The following DPYD variants were observed in gnomAD, a reference collection of about 807,000 sequenced individuals.
The protein encoded by DPYD is dihydropyrimidine dehydrogenase [NADP(+)].
In DPYD, 109 loss-of-function variants were observed where a neutral mutation model predicts 116.2. The ratio of observed to expected loss-of-function variants is 0.94; its 90% CI spans 0.80 to 1.10. DPYD has a LOEUF of 1.10. Among genes scored for constraint, DPYD ranks in the 50% least tolerant of loss-of-function variants. DPYD has a pLI of 0.00. For missense variants in DPYD, 1,302 were observed against 1,254.5 expected (o/e 1.04, Z -0.57); for synonymous variants, 440 against 432.0 (o/e 1.02, Z -0.23).
rs567156406 is a variant in DPYD at position 97,385,280 on chromosome 1, C to CAAAAAAAAA, written c.1906-2828_1906-2820dup. 6.1e-5 allele frequency among the ~76,000 whole-genome samples: 3 copies of CAAAAAAAAA among 48,940 alleles called. 1 individual carries two copies. Among genetic ancestry groups the CAAAAAAAAA allele is most frequent in the African/African-American group, 3.8e-4 (3 of 7,872 alleles). The allele number at this position is 48,940 out of a possible 152,430, so 32.1% of individuals were successfully genotyped here. ...TACCTCTTGGTGTAGGCATTCCTTG[C>CAAAAAAAAA]AAAAAAAAAAAAAAAAAAAAAAAAA... On this transcript the variant is annotated intron_variant, in intron 14 of 22. Transcript: ENST00000370192.
chr1:97,281,745 A>G (rs1665336996), intron 18 of DPYD, among the ~76,000 whole-genome samples: 1 of 152,072 alleles, frequency 6.6e-6, no homozygotes, highest in African/African-American at 2.4e-5. Context: ...CACATAAGCT[A>G]AGGAACATCC....
chr1:97,181,717 T>G (rs1323338065), intron 20 of DPYD, among the ~76,000 whole-genome samples: 3 of 152,194 alleles, frequency 2.0e-5, no homozygotes, highest in African/African-American at 7.2e-5. Context: ...TGTTTCTATC[T>G]ACCCCAATAT....
At chr1:97,318,853 T>G (rs573195001) in intron 16 of DPYD, among the ~76,000 whole-genome samples, 60 of 149,676 alleles carry the variant, frequency 4.0e-4, no homozygotes, top group African/African-American at 1.1e-3. Flanking sequence ...TCAGCAAATG[T>G]AAAAGAACAG....
chr1:97,772,535 G>A (rs957503160), intron 3 of DPYD, among the ~76,000 whole-genome samples: 7 of 152,124 alleles, frequency 4.6e-5, no homozygotes, highest in Admixed American at 2.0e-4. Context: ...TCACAGGTTG[G>A]AAGTAAGCAT....
Position 97,202,808 on chromosome 1 carries a change from A to G in DPYD, c.2443-9560T>C, listed in dbSNP as rs543109360. 1.1e-3 allele frequency among the ~76,000 whole-genome samples: 171 copies of G among 152,334 alleles called. 1 individual carries two copies. The highest frequency in any genetic ancestry group is 4.0e-3 in the African/African-American group (168 of 41,578). On this transcript the variant is annotated intron_variant, in intron 19 of 22. Transcript: ENST00000370192. ...CAATAATGACTGCAACCAAGAAATA[A>G]TAATAAGAACCATACAGAGACACAG...
intron 14 of DPYD, among the ~76,000 whole-genome samples, chr1:97,422,822 T>A (rs1014820258): frequency 6.6e-6 from 1 of 152,128 alleles, no homozygotes; most frequent in Non-Finnish European, 1.5e-5. Context: ...CAAAATGTGG[T>A]AAGTGCTACA....
At chr1:97,529,330 G>C (rs1307096040) in intron 12 of DPYD, among the ~76,000 whole-genome samples, 1 of 152,050 alleles carries the variant, frequency 6.6e-6, no homozygotes, top group East Asian at 1.9e-4. Context: ...CAGGTGCTAG[G>C]AACACAACAG....
chr1:97,446,083 A>C (rs1457589771), intron 14 of DPYD, among the ~76,000 whole-genome samples: 1 of 152,192 alleles, frequency 6.6e-6, no homozygotes, highest in African/African-American at 2.4e-5. Context: ...CACTATTGAT[A>C]TCTGTCACTT....
At chr1:97,477,856 G>A (rs983874615) in intron 13 of DPYD, among the ~76,000 whole-genome samples, 6 of 151,926 alleles carry the variant, frequency 3.9e-5, no homozygotes, top group Admixed American at 2.0e-4. Flanking sequence ...TCCTGACCTC[G>A]TGATCCACCC....
intron 8 of DPYD, among the ~76,000 whole-genome samples, chr1:97,633,150 TA>T (rs1241246972): frequency 6.6e-6 from 1 of 152,158 alleles, no homozygotes; most frequent in African/African-American, 2.4e-5. Flanking sequence ...AAATGTGAAG[TA>T]AACCATGTTT....
intron 3 of DPYD, among the ~76,000 whole-genome samples, chr1:97,751,865 C>T (rs1353294237): frequency 6.6e-6 from 1 of 151,342 alleles, no homozygotes; most frequent in Non-Finnish European, 1.5e-5. Flanking sequence ...TGGATTCAAG[C>T]GATTCTCATG....
intron 12 of DPYD, among the ~76,000 whole-genome samples, chr1:97,547,921 C>G (rs1430354792): frequency 1.3e-5 from 2 of 152,116 alleles, no homozygotes; most frequent in Non-Finnish European, 2.9e-5. Context: ...GCAGGTGAAT[C>G]AAACTTTTAA....
At chr1:97,468,719 C>T (rs1677467382) in intron 13 of DPYD, among the ~76,000 whole-genome samples, 2 of 152,156 alleles carry the variant, frequency 1.3e-5, no homozygotes, top group African/African-American at 4.8e-5. Context: ...ACGGGGCTAT[C>T]ATTTGCAGAC....
At chr1:97,174,735 T>G (rs931789720) in intron 20 of DPYD, among the ~76,000 whole-genome samples, 2 of 152,224 alleles carry the variant, frequency 1.3e-5, no homozygotes, top group Non-Finnish European at 2.9e-5. Flanking sequence ...ATAGTTTCTT[T>G]CAGAGTGAGT....
At chr1:97,818,858 G>A (rs1197583427) in intron 3 of DPYD, among the ~76,000 whole-genome samples, 1 of 151,856 alleles carries the variant, frequency 6.6e-6, no homozygotes, top group Non-Finnish European at 1.5e-5. Flanking sequence ...CCAAATGTGT[G>A]TATCCATGTG....
intron 18 of DPYD, among the ~76,000 whole-genome samples, chr1:97,256,256 T>C (rs1410027244): frequency 6.6e-6 from 1 of 152,146 alleles, no homozygotes; most frequent in Non-Finnish European, 1.5e-5. Context: ...TCTGAAACAA[T>C]GCTGTATAGC....
chr1:97,309,202 A>G (rs1667342146), intron 16 of DPYD, among the ~76,000 whole-genome samples: 1 of 151,876 alleles, frequency 6.6e-6, no homozygotes, highest in Non-Finnish European at 1.5e-5. Flanking sequence ...ATAGCTTAAC[A>G]AAATCTTAAA....
intron 3 of DPYD, among the ~76,000 whole-genome samples, chr1:97,749,376 A>G (rs1664744142): frequency 6.6e-6 from 1 of 152,286 alleles, no homozygotes; most frequent in South Asian, 2.1e-4. Context: ...GTTCAGTCCA[A>G]CCATTTTTAC....
At chr1:97,206,300 C>A (rs901044239) in intron 19 of DPYD, among the ~76,000 whole-genome samples, 5 of 151,948 alleles carry the variant, frequency 3.3e-5, no homozygotes, top group Admixed American at 2.6e-4. Flanking sequence ...ATGCTTTACC[C>A]AAATTCCCTT....
Sources: allele counts gnomAD v4.1 joint callset (sites outside exome capture counted in the v4.1 genomes callset), GRCh38; gene constraint gnomAD v4.1.1; transcripts MANE v1.5; gene names NCBI Gene and HGNC (gene_info 2026-07-23, HGNC 2026-07-21).